The following SQOR variants were observed in gnomAD, a reference collection of about 807,000 sequenced individuals.
SQOR encodes the protein sulfide quinone oxidoreductase.
A neutral mutation model predicts 48.6 loss-of-function variants in SQOR; 39 were observed. The observed-to-expected ratio is 0.80, with a 90% CI of 0.62 to 1.05. The LOEUF is 1.05. Ranked by LOEUF, SQOR falls within the 50% of genes least tolerant of loss-of-function variation. The pLI is 0.00. For missense variants in SQOR, 561 were observed against 559.9 expected, an observed-to-expected ratio of 1.00 and a Z score of -0.02; for synonymous variants, 220 against 206.2, an observed-to-expected ratio of 1.07 and a Z score of -0.57.
intron 7 of SQOR, among the ~76,000 whole-genome samples, chr15:45,687,302 G>A (rs1332420563): frequency 2.0e-5 from 3 of 150,676 alleles, no homozygotes; most frequent in Admixed American, 6.6e-5. Context: ...AGTAGAGATG[G>A]GGTTTCATCA....
intron 1 of SQOR, among the ~76,000 whole-genome samples, chr15:45,642,183 C>A (rs1872280523): frequency 6.6e-6 from 1 of 152,188 alleles, no homozygotes; most frequent in Non-Finnish European, 1.5e-5. Context: ...TTTATTAAGA[C>A]CTTCCAAGGG....
intron 3 of SQOR, among the ~76,000 whole-genome samples, chr15:45,665,389 C>G (rs945665823): frequency 4.6e-5 from 7 of 152,174 alleles, no homozygotes; most frequent in South Asian, 2.1e-4. Flanking sequence ...ATCCTCCCAA[C>G]ACATCTGGGT....
At chr15:45,655,955 G>T (rs1271447457) in intron 1 of SQOR, among the ~76,000 whole-genome samples, 2 of 151,402 alleles carry the variant, frequency 1.3e-5, no homozygotes, top group Non-Finnish European at 2.9e-5. Context: ...AAAGTGCTAG[G>T]ATTACAGGCG....
chr15:45,659,375 G>T (rs544969454), intron 2 of SQOR, among the ~76,000 whole-genome samples: 1 of 152,032 alleles, frequency 6.6e-6, no homozygotes, highest in African/African-American at 2.4e-5. Flanking sequence ...GGCTTTTAGT[G>T]TTCTCCTCTG....
chr15:45,655,907 G>A (rs998824756), intron 1 of SQOR, among the ~76,000 whole-genome samples: 3 of 151,404 alleles, frequency 2.0e-5, no homozygotes, highest in South Asian at 2.1e-4. Context: ...GGATGGTCTC[G>A]ATCTCCTGAC....
At chr15:45,655,681 C>CTTTTTTTTTTTTTTTTTTTTTTT (rs60764234) in intron 1 of SQOR, among the ~76,000 whole-genome samples, 3 of 143,738 alleles carry the variant, frequency 2.1e-5, no homozygotes, top group African/African-American at 2.6e-5. Context: ...GAAAGTATAT[C>CTTTTTTTTTTTTTTTTTTTTTTT]TTTTTTTTTT....
intron 1 of SQOR, among the ~76,000 whole-genome samples, chr15:45,638,540 T>C (rs1895047901): frequency 6.6e-6 from 1 of 151,964 alleles, no homozygotes; most frequent in East Asian, 1.9e-4. Flanking sequence ...CTGGCCAACA[T>C]AGAGGAACCC....
At chr15:45,640,652 C>A (rs929386973) in intron 1 of SQOR, among the ~76,000 whole-genome samples, 1 of 152,196 alleles carries the variant, frequency 6.6e-6, no homozygotes, top group Non-Finnish European at 1.5e-5. Flanking sequence ...GAATGATATA[C>A]TTGAATGAAA....
rs188672864 is a variant in SQOR at position 45,682,747 on chromosome 15, G to T, written c.1048+86G>T. 2.1e-4 allele frequency: 305 copies of T among 1,482,988 alleles called. No homozygotes were observed. In the Middle Eastern group the frequency reaches 2.4e-3, roughly 12 times the overall value. The allele number at this position is 1,482,988 out of a possible 1,614,324, so 91.9% of individuals were successfully genotyped here. ...TAACAAAAACACAAGCTTGGCATCG[G>T]CCAGAGACGGTGGTTCCTGCCTGTA... On this transcript the variant is annotated intron_variant, in intron 7 of 9. Coordinates refer to ENST00000260324, the MANE Select transcript of SQOR (RefSeq NM_021199.4).
At chr15:45,679,865 A>T (rs910191892) in intron 6 of SQOR, among the ~76,000 whole-genome samples, 1 of 152,336 alleles carries the variant, frequency 6.6e-6, no homozygotes, top group Non-Finnish European at 1.5e-5. Context: ...ACCCAGATCT[A>T]CTAGATTGGG....
chr15:45,661,703 G>T (rs116310517), intron 2 of SQOR, among the ~76,000 whole-genome samples: 133 of 152,294 alleles, frequency 8.7e-4, no homozygotes, highest in African/African-American at 3.1e-3. Context: ...AATACATAAT[G>T]CAGTGGTCAC....
intron 1 of SQOR, among the ~76,000 whole-genome samples, chr15:45,655,105 A>G (rs1364009599): frequency 6.6e-6 from 1 of 152,218 alleles, no homozygotes. Context: ...GCTTTTCATT[A>G]AAAGGAAAAC....
At chr15:45,658,135 A>T (rs755655284) in intron 1 of SQOR, among the ~76,000 whole-genome samples, 1 of 152,212 alleles carries the variant, frequency 6.6e-6, no homozygotes, top group Non-Finnish European at 1.5e-5. Flanking sequence ...TGTTTACTGA[A>T]TTGGATGTAA....
chr15:45,655,293 C>T (rs968956104), intron 1 of SQOR, among the ~76,000 whole-genome samples: 1 of 152,172 alleles, frequency 6.6e-6, no homozygotes, highest in Non-Finnish European at 1.5e-5. Context: ...TGGGGCTTTT[C>T]CCATGGAGAT....
At chr15:45,640,846 G>A (rs930866208) in intron 1 of SQOR, among the ~76,000 whole-genome samples, 8 of 152,176 alleles carry the variant, frequency 5.3e-5, no homozygotes, top group Admixed American at 5.2e-4. Flanking sequence ...AGTGAGTCAT[G>A]TCCTACAGTC....
In SQOR at chr15:45,682,463, T is replaced by C. The variant is rs1890140459; in HGVS notation, c.865-15T>C. On this transcript the variant is annotated splice_polypyrimidine_tract_variant and intron_variant, in intron 6 of 9. Transcript: ENST00000260324. ...ATTGAATAAATGAAAATGTGGATTCTCTCTTTGTGTGTAGTATGAAATGCT... is the reference window on the plus strand; with the variant it reads ...ATTGAATAAATGAAAATGTGGATTCCCTCTTTGTGTGTAGTATGAAATGCT... The C allele has an allele frequency of 6.2e-7, 1 of 1,612,916 alleles. No individual in the cohort carries two copies. Among genetic ancestry groups the C allele is most frequent in the Non-Finnish European group, 8.5e-7 (1 of 1,179,342 alleles).
intron 1 of SQOR, among the ~76,000 whole-genome samples, chr15:45,648,404 C>T (rs1481220049): frequency 6.6e-6 from 1 of 152,140 alleles, no homozygotes; most frequent in Non-Finnish European, 1.5e-5. Flanking sequence ...TCTCCATCTC[C>T]TGACCTCGTG....
chr15:45,670,743 T>C (rs1025162426), intron 4 of SQOR, among the ~76,000 whole-genome samples: 1 of 152,128 alleles, frequency 6.6e-6, no homozygotes, highest in Non-Finnish European at 1.5e-5. Context: ...AATTGTGTCA[T>C]GTCCAGGGGA....
At chr15:45,656,815 GT>G (rs1297425351) in intron 1 of SQOR, among the ~76,000 whole-genome samples, 1 of 151,482 alleles carries the variant, frequency 6.6e-6, no homozygotes, top group Middle Eastern at 3.2e-3. Context: ...TTATTTTATT[GT>G]TTTTTTCAGA....
Sources: allele counts gnomAD v4.1 joint callset (sites outside exome capture counted in the v4.1 genomes callset), GRCh38; gene constraint gnomAD v4.1.1; transcripts MANE v1.5; gene names NCBI Gene and HGNC (gene_info 2026-07-23, HGNC 2026-07-21).